The following ZNF30 variants were observed in gnomAD, a reference collection of about 807,000 sequenced individuals.
The protein encoded by ZNF30 is zinc finger protein 30, also known as zinc finger protein 30 (KOX 28).
Under a neutral mutation model 13.2 loss-of-function variants are expected in ZNF30, and 15 were observed. That is an observed-to-expected ratio of 1.13 (90% CI 0.76 to 1.75). ZNF30 has a LOEUF of 1.75. Ranked by LOEUF, ZNF30 falls within the 40% of genes most tolerant of loss-of-function variation. The pLI is 0.00. For missense variants in ZNF30, 726 were observed against 757.0 expected (o/e 0.96, Z 0.48); for synonymous variants, 223 against 256.6 (o/e 0.87, Z 1.25).
At position 34,944,734 on chromosome 19, in the gene ZNF30, C is replaced by T. The variant is rs373490206; in HGVS notation, c.1768C>T (p.His590Tyr). The change falls in exon 5 of 5, where the codon CAC (histidine) becomes TAC (tyrosine). Residue 590 changes from histidine to tyrosine, a missense_variant. His to Tyr is a moderately conservative substitution (Grantham distance 83). Transcript: ENST00000601142. Reference sequence around the variant, plus strand: ...ATTCCTTACTGAACATCAGCGGGTACACACTGGTGAGAAACCCTTTAAATG... The same window carrying T: ...ATTCCTTACTGAACATCAGCGGGTATACACTGGTGAGAAACCCTTTAAATG... Reference protein sequence around the residue: ...NSFLTEHQRVHTGEKPFKCKK... With the variant: ...NSFLTEHQRVYTGEKPFKCKK... The T allele has an allele frequency of 2.4e-5, 39 of 1,613,926 alleles. No homozygotes were observed. The African/African-American group carries it at 3.3e-4, about 14-fold the overall frequency.
At position 34,943,618 on chromosome 19, in the gene ZNF30, C is replaced by A. The variant is rs2013163399; in HGVS notation, c.652C>A (p.Gln218Lys). 1 of 1,613,510 alleles carries A rather than the reference C, an allele frequency of 6.2e-7. No homozygotes were observed. Among genetic ancestry groups the A allele is most frequent in the African/African-American group, 1.3e-5 (1 of 74,876 alleles). The change falls in exon 5 of 5, where the codon CAA (glutamine) becomes AAA (lysine). Residue 218 changes from glutamine (Q) to lysine (K), a missense_variant. Transcript: ENST00000601142. ...QCGKTISGSY[Q>K]LTVHKSIHTG... ...TGGAAAGACTATTAGTGGTAGCTATCAACTTACAGTACATAAGAGTATTCA... is the reference window on the plus strand; with the variant it reads ...TGGAAAGACTATTAGTGGTAGCTATAAACTTACAGTACATAAGAGTATTCA...
At chr19:34,935,697 A>G (rs1325727419) in intron 4 of ZNF30, among the ~76,000 whole-genome samples, 1 of 107,062 alleles carries the variant, frequency 9.3e-6, no homozygotes, top group African/African-American at 4.0e-5. Flanking sequence ...TATGTTGTCT[A>G]TAGTTTTTTT....
At chr19:34,935,490 C>T (rs1018490123) in intron 4 of ZNF30, among the ~76,000 whole-genome samples, 2 of 152,126 alleles carry the variant, frequency 1.3e-5, no homozygotes, top group African/African-American at 2.4e-5. Context: ...CTTACCTGCT[C>T]TTCTCAAGTC....
chr19:34,937,405 G>A (rs1395621898), intron 4 of ZNF30, among the ~76,000 whole-genome samples: 1 of 152,094 alleles, frequency 6.6e-6, no homozygotes, highest in Non-Finnish European at 1.5e-5. Context: ...AGAAAGTGGT[G>A]CCACCAAAGA....
At chr19:34,930,380 A>G (rs1334077978) in intron 2 of ZNF30, among the ~76,000 whole-genome samples, 1 of 152,228 alleles carries the variant, frequency 6.6e-6, no homozygotes, top group Non-Finnish European at 1.5e-5. Flanking sequence ...ATGAGATAAC[A>G]TGCTCTATGA....
intron 1 of ZNF30, among the ~76,000 whole-genome samples, chr19:34,928,846 TATG>T (rs2012276648): frequency 6.6e-6 from 1 of 151,994 alleles, no homozygotes; most frequent in Non-Finnish European, 1.5e-5. Context: ...AAAAATCTCT[TATG>T]GTGCCTAATT....
intron 1 of ZNF30, among the ~76,000 whole-genome samples, chr19:34,929,616 C>G (rs1477775328): frequency 6.6e-6 from 1 of 152,156 alleles, no homozygotes; most frequent in Non-Finnish European, 1.5e-5. Context: ...GACTGTGCAA[C>G]CCAATTTGAG....
chr19:34,944,651 A>G lies in ZNF30; in HGVS notation c.1685A>G (p.His562Arg). The change falls in exon 5 of 5, where the codon CAC becomes CGC. Residue 562 changes from histidine to arginine, a missense_variant. His to Arg is a conservative substitution (Grantham distance 29). Transcript: ENST00000601142. Reference sequence around the variant, plus strand: ...CAACTTATTGGACATCAGAGTGTTCACACTGGTGAGAAACCTTTTGAATGT... The same window carrying G: ...CAACTTATTGGACATCAGAGTGTTCGCACTGGTGAGAAACCTTTTGAATGT... Reference protein sequence around the residue: ...YGQLIGHQSVHTGEKPFECKE... With the variant: ...YGQLIGHQSVRTGEKPFECKE... 1 of 1,612,558 alleles carries G rather than the reference A, an allele frequency of 6.2e-7. No individual in the cohort carries two copies. Among genetic ancestry groups the G allele is most frequent in the Non-Finnish European group, 8.5e-7 (1 of 1,178,782 alleles).
Position 34,944,875 on chromosome 19 carries a change from TCAAA to T in ZNF30, c.*40_*43del, listed in dbSNP as rs760665449. The T allele has an allele frequency of 4.6e-6, 7 of 1,508,870 alleles. No individual in the cohort carries two copies. The South Asian group carries it at 8.3e-5, about 18-fold the overall frequency. The allele number at this position is 1,508,870 out of a possible 1,614,324, so 93.5% of individuals were successfully genotyped here. A position where few individuals can be genotyped will look rare whatever the true frequency, so the allele number is the denominator to read the frequency against. The stretch of plus-strand genomic sequence containing the variant: ...GTGTGGGAAGTGCTTCGTGTGTGGC[TCAAA>T]CATTGTTGAACATCGGGGAATTTAT... On this transcript the variant is annotated 3_prime_UTR_variant, in exon 5 of 5. Coordinates refer to ENST00000601142, the MANE Select transcript of ZNF30 (RefSeq NM_194325.3).
chr19:34,929,193 G>C (rs534798636), intron 1 of ZNF30, among the ~76,000 whole-genome samples: 1 of 152,282 alleles, frequency 6.6e-6, no homozygotes, highest in East Asian at 1.9e-4. Context: ...AGAGGCAGGA[G>C]AATCACTTGA....
chr19:34,943,262 T>C lies in ZNF30; in HGVS notation c.296T>C (p.Met99Thr), dbSNP rs75704156. The C allele has an allele frequency of 1.2e-6, 2 of 1,607,996 alleles. No individual in the cohort carries two copies. The highest frequency in any genetic ancestry group is 2.7e-5 in the African/African-American group (2 of 74,688). The change falls in exon 5 of 5, where the codon ATG (methionine) becomes ACG (threonine). Residue 99 changes from methionine to threonine, a missense_variant. Met to Thr is a moderately conservative substitution (Grantham distance 81). Coordinates refer to ENST00000601142, the MANE Select transcript of ZNF30 (RefSeq NM_194325.3). Reference sequence around the variant, plus strand: ...GATGATACAATCGGCTGTAAAGAAATGCCCACCTCTGAAAACTGTCCATCT... The same window carrying C: ...GATGATACAATCGGCTGTAAAGAAACGCCCACCTCTGAAAACTGTCCATCT... The part of the protein sequence containing the change: ...LEDDTIGCKE[M>T]PTSENCPSFA...
At chr19:34,925,800 A>G (rs1193779445), upstream of ZNF30, among the ~76,000 whole-genome samples, 1 of 135,464 alleles carries the variant, frequency 7.4e-6, no homozygotes, top group Non-Finnish European at 1.6e-5. Context: ...TTCCCTCCCC[A>G]GCACTCCCCT....
rs149223204 is a variant in ZNF30, at chr19:34,935,574, C to T, written c.256+1851C>T. Reference sequence around the variant, plus strand: ...GTCAGACACCCCACATTGTCCCCCTCTGCCTTTTCCTGCACAGATGCCTAG... The same window carrying T: ...GTCAGACACCCCACATTGTCCCCCTTTGCCTTTTCCTGCACAGATGCCTAG... On this transcript the variant is annotated intron_variant, in intron 4 of 4. Transcript: ENST00000601142. 5.6e-4 allele frequency among the ~76,000 whole-genome samples: 86 copies of T among 152,230 alleles called. 1 individual carries two copies. Among genetic ancestry groups the T allele is most frequent in the Middle Eastern group, 3.4e-3 (1 of 294 alleles).
intron 4 of ZNF30, among the ~76,000 whole-genome samples, chr19:34,936,708 C>T (rs1366400604): frequency 6.6e-6 from 1 of 152,034 alleles, no homozygotes. Flanking sequence ...CCAGCTTGGG[C>T]AACATAGGGA....
Position 34,928,585 on chromosome 19 carries a change from C to T in ZNF30, c.-64-1299C>T, listed in dbSNP as rs1452613686. Among the ~76,000 whole-genome samples the T allele has an allele frequency of 5.7e-4, 87 of 152,104 alleles. 1 individual carries two copies. The highest frequency in any genetic ancestry group is 7.4e-5 in the Non-Finnish European group (5 of 68,020). On this transcript the variant is annotated intron_variant, in intron 1 of 4. Coordinates refer to ENST00000601142, the MANE Select transcript of ZNF30 (RefSeq NM_194325.3). Reference sequence around the variant, plus strand: ...CGGTGGCTCACGCCTGTAATCCCAGCACTTTGGGATACTGAGATGGGTGGA... The same window carrying T: ...CGGTGGCTCACGCCTGTAATCCCAGTACTTTGGGATACTGAGATGGGTGGA...
intron 4 of ZNF30, among the ~76,000 whole-genome samples, chr19:34,940,632 C>T (rs1458488129): frequency 7.4e-6 from 1 of 135,896 alleles, no homozygotes; most frequent in Non-Finnish European, 1.5e-5. Context: ...CGTACCACAG[C>T]ACTCCTGCCT....
chr19:34,943,859 G>A lies in ZNF30; in HGVS notation c.893G>A (p.Ser298Asn). ...YECKECGKAF[S>N]TSSPLAKHQR... Reference sequence around the variant, plus strand: ...TGCAAAGAATGTGGGAAGGCCTTTAGCACTAGCTCACCCCTTGCTAAGCAT... The same window carrying A: ...TGCAAAGAATGTGGGAAGGCCTTTAACACTAGCTCACCCCTTGCTAAGCAT... The change falls in exon 5 of 5, where the codon AGC becomes AAC. Residue 298 changes from serine (S) to asparagine (N), a missense_variant. By Grantham distance (46) the Ser-to-Asn change is conservative. Coordinates refer to ENST00000601142, the MANE Select transcript of ZNF30 (RefSeq NM_194325.3). The A allele has an allele frequency of 6.2e-7, 1 of 1,614,128 alleles. No homozygotes were observed. The highest frequency in any genetic ancestry group is 1.3e-5 in the African/African-American group (1 of 75,026).
chr19:34,940,428 G>A (rs2039038326), intron 4 of ZNF30, among the ~76,000 whole-genome samples: 1 of 152,260 alleles, frequency 6.6e-6, no homozygotes, highest in Admixed American at 6.5e-5. Context: ...AGCACCTTGG[G>A]AGGTCGAGAC....
chr19:34,929,278 C>A (rs150491828), intron 1 of ZNF30, among the ~76,000 whole-genome samples: 1 of 152,158 alleles, frequency 6.6e-6, no homozygotes, highest in Non-Finnish European at 1.5e-5. Flanking sequence ...CAGGGCGAGA[C>A]TCCGTCTCAA....
Sources: gnomAD v4.1 joint callset for allele counts (sites outside exome capture counted in the v4.1 genomes callset) on GRCh38, gnomAD v4.1.1 for gene constraint, MANE v1.5 for transcripts, NCBI Gene and HGNC (gene_info 2026-07-23, HGNC 2026-07-21) for gene names.